Variants in ACO2 observed in about 807,000 individuals in gnomAD.
ACO2 encodes aconitate hydratase, mitochondrial.
In ACO2, 31 loss-of-function variants were observed where a neutral mutation model predicts 84.5. That is an observed-to-expected ratio of 0.37 (90% CI 0.28 to 0.50). The LOEUF (loss-of-function observed/expected upper bound fraction) is 0.50. ACO2 is among the 20% of genes least tolerant of loss of function. The pLI, the probability that ACO2 is intolerant of heterozygous loss-of-function variation, is 0.97. For missense variants in ACO2, 685 were observed against 1,029.3 expected (o/e 0.67, Z 4.58); for synonymous variants, 414 against 412.7 (o/e 1.00, Z -0.04).
chr22:41,525,924 C>A, intron 14 of ACO2: 1 of 258,850 alleles, frequency 3.9e-6, no homozygotes, highest in Non-Finnish European at 7.4e-6. Flanking sequence ...CAGGCATGTC[C>A]TGGGCTCCTG....
At chr22:41,475,974 C>T (rs9607807) in intron 1 of ACO2, among the ~76,000 whole-genome samples, 7 of 151,602 alleles carry the variant, frequency 4.6e-5, no homozygotes, top group Admixed American at 2.0e-4. Context: ...TGGGTAGCTT[C>T]GGGCAAAGTC....
intron 2 of ACO2, among the ~76,000 whole-genome samples, chr22:41,501,445 G>A (rs116559665): frequency 6.6e-5 from 10 of 152,350 alleles, no homozygotes; most frequent in African/African-American, 2.4e-4. Flanking sequence ...TACCACAGAG[G>A]ATGAGGAGTC....
intron 1 of ACO2, among the ~76,000 whole-genome samples, chr22:41,469,903 G>T (rs529425139): frequency 1.3e-5 from 2 of 152,300 alleles, no homozygotes; most frequent in South Asian, 4.1e-4. Context: ...TCACCGAAGT[G>T]CTGTGGCAGA....
intron 2 of ACO2, among the ~76,000 whole-genome samples, chr22:41,500,727 A>G (rs944913447): frequency 1.3e-5 from 2 of 151,658 alleles, no homozygotes; most frequent in Non-Finnish European, 2.9e-5. Flanking sequence ...TTATTTTTTG[A>G]GACAGTCTCA....
At chr22:41,528,304 C>T in intron 17 of ACO2, 175 bp from the exon 18 acceptor site, 1 of 972,976 alleles carries the variant, frequency 1.0e-6, no homozygotes, top group Non-Finnish European at 1.5e-6. Flanking sequence ...CCCAGGAATC[C>T]CCTGTAGGTG....
intron 1 of ACO2, among the ~76,000 whole-genome samples, chr22:41,489,597 T>C (rs533514792): frequency 6.6e-6 from 1 of 152,326 alleles, no homozygotes; most frequent in South Asian, 2.1e-4. Context: ...GGTTTCATTG[T>C]TCTTTTTTCC....
At chr22:41,528,078 C>T (rs1244081616) in intron 17 of ACO2, 56 bp downstream of exon 17, 2 of 1,610,460 alleles carry the variant, frequency 1.2e-6, no homozygotes, top group African/African-American at 1.3e-5. Flanking sequence ...ACCTTGTTTC[C>T]CCTCCTGCAC....
intron 1 of ACO2, among the ~76,000 whole-genome samples, chr22:41,478,796 T>G (rs1193834450): frequency 6.9e-6 from 1 of 144,750 alleles, no homozygotes; most frequent in African/African-American, 2.6e-5. Flanking sequence ...AGAAGGAGTC[T>G]CACTCTGTAG....
At chr22:41,480,606 A>G (rs910795503) in intron 1 of ACO2, among the ~76,000 whole-genome samples, 3 of 152,198 alleles carry the variant, frequency 2.0e-5, no homozygotes, top group African/African-American at 7.2e-5. Context: ...ACTGAGTAAT[A>G]GCAGCTTACG....
At chr22:41,476,737 A>G (rs1054339907) in intron 1 of ACO2, among the ~76,000 whole-genome samples, 1 of 152,170 alleles carries the variant, frequency 6.6e-6, no homozygotes, top group East Asian at 1.9e-4. Flanking sequence ...AAAAAACAAA[A>G]AAACACACAC....
At chr22:41,524,247 C>T (rs1045526267) in intron 12 of ACO2, among the ~76,000 whole-genome samples, 11 of 152,232 alleles carry the variant, frequency 7.2e-5, no homozygotes, top group Non-Finnish European at 1.5e-5. Context: ...CACTTACCTT[C>T]TCTGTGTCCC....
chr22:41,520,143 T>C (rs746856042), intron 8 of ACO2, 28 bp from the exon 9 acceptor site: 1 of 1,594,586 alleles, frequency 6.3e-7, no homozygotes, highest in East Asian at 2.2e-5. Flanking sequence ...CTCCTCTCTT[T>C]CTTCTCCTTG....
intron 1 of ACO2, among the ~76,000 whole-genome samples, chr22:41,485,318 G>C (rs1393341372): frequency 6.6e-6 from 1 of 151,128 alleles, no homozygotes; most frequent in East Asian, 2.0e-4. Context: ...CTTTTTTTTC[G>C]AGATGGAGTT....
At chr22:41,470,468 T>C (rs1260884512) in intron 1 of ACO2, among the ~76,000 whole-genome samples, 1 of 151,356 alleles carries the variant, frequency 6.6e-6, no homozygotes, top group African/African-American at 2.4e-5. Context: ...TGAAAGAAAA[T>C]ATTTCTGATC....
At chr22:41,518,296 C>G (rs2066491829) in intron 7 of ACO2, among the ~76,000 whole-genome samples, 185 bp from the exon 8 acceptor site, 1 of 152,240 alleles carries the variant, frequency 6.6e-6, no homozygotes, top group Admixed American at 6.5e-5. Flanking sequence ...CTCCGTGTCC[C>G]TGACAGCTCC....
intron 1 of ACO2, among the ~76,000 whole-genome samples, chr22:41,475,370 G>A (rs1334512509): frequency 2.0e-5 from 3 of 151,544 alleles, no homozygotes; most frequent in African/African-American, 7.3e-5. Context: ...TGGGGATCTT[G>A]CCATGTCACC....
intron 14 of ACO2, chr22:41,525,730 TC>T (rs1212830937): frequency 4.0e-6 from 1 of 248,408 alleles, no homozygotes; most frequent in Non-Finnish European, 7.8e-6. Context: ...CATGGACAAC[TC>T]CTGCCCCCAC....
At chr22:41,499,641 A>AT in intron 1 of ACO2, 85 bp from the exon 2 acceptor site, 2 of 1,459,386 alleles carry the variant, frequency 1.4e-6, no homozygotes, top group Middle Eastern at 2.5e-4. Context: ...TAATTCCTGG[A>AT]TTTTTTTCAC....
chr22:41,507,749 T>G, intron 2 of ACO2, 42 bp from the exon 3 acceptor site: 2 of 1,587,982 alleles, frequency 1.3e-6, no homozygotes, highest in Non-Finnish European at 1.7e-6. Flanking sequence ...GAGGAGGCCG[T>G]GCAGCTAGCA....
Sources: gnomAD v4.1 joint callset for allele counts (sites outside exome capture counted in the v4.1 genomes callset) on GRCh38, gnomAD v4.1.1 for gene constraint, MANE v1.5 for transcripts, NCBI Gene and HGNC (gene_info 2026-07-23, HGNC 2026-07-21) for gene names.